GDI2: variants seen among roughly 807,000 people sequenced by gnomAD.
GDI2 encodes GDP dissociation inhibitor 2.
Under a neutral mutation model 54.2 loss-of-function variants are expected in GDI2, and 22 were observed. The ratio of observed to expected loss-of-function variants is 0.41; its 90% CI spans 0.29 to 0.58. The LOEUF (loss-of-function observed/expected upper bound fraction) is 0.58. Among genes scored for constraint, GDI2 ranks in the 20% least tolerant of loss-of-function variants. GDI2 has a pLI of 0.35. For synonymous variants in GDI2, 177 were observed against 182.1 expected, an observed-to-expected ratio of 0.97 and a Z score of 0.23; for missense variants, 422 against 546.0, an observed-to-expected ratio of 0.77 and a Z score of 2.26.
intron 6 of GDI2, among the ~76,000 whole-genome samples, chr10:5,777,125 C>T (rs549436551): frequency 6.6e-6 from 1 of 152,274 alleles, no homozygotes; most frequent in South Asian, 2.1e-4. Context: ...CAAATGGCTA[C>T]ATAGAATAAT....
Position 5,766,669 on chromosome 10 carries a change from C to T in GDI2, c.992-31G>A. 1 of 1,597,852 alleles carries T rather than the reference C, an allele frequency of 6.3e-7. No individual in the cohort carries two copies. The highest frequency in any genetic ancestry group is 8.6e-7 in the Non-Finnish European group (1 of 1,165,470). ...AACAAATGATACCAGCTCACTGCCT[C>T]AAGTGTCTCCATCTGGGACCCAACA... is the stretch of plus-strand genomic sequence containing the variant. On this transcript the variant is annotated intron_variant, in intron 8 of 10. Coordinates refer to ENST00000380191, the MANE Select transcript of GDI2 (RefSeq NM_001494.4). The surrounding 1 kb of genome is among the most constrained non-coding windows in gnomAD (Gnocchi z 5.8).
rs112815035 is a variant in GDI2 at position 5,772,076 on chromosome 10, G to GAA, written c.819+1764_819+1765dup. ...TGCACTCCAGCCTGGTGACTGAGAAGAAAAAAAAAAACACACCATTTATCT... is the reference window on the plus strand; with the variant it reads ...TGCACTCCAGCCTGGTGACTGAGAAGAAAAAAAAAAAAACACACCATTTATCT... On this transcript the variant is annotated intron_variant, in intron 7 of 10. Transcript: ENST00000380191. Among the ~76,000 whole-genome samples, 7 of 145,174 alleles carry GAA rather than the reference G, an allele frequency of 4.8e-5. No homozygotes were observed. The East Asian group carries it at 1.2e-3, about 25-fold the overall frequency.
In GDI2 at chr10:5,773,783, G is replaced by C. The variant is rs1840551788; in HGVS notation, c.819+59C>G. 1.0e-5 allele frequency: 8 copies of C among 779,938 alleles called. No homozygotes were observed. In the South Asian group the frequency reaches 1.2e-4, roughly 11 times the overall value. The allele number at this position is 779,938 out of a possible 1,614,324, so 48.3% of individuals were successfully genotyped here. A position where few individuals can be genotyped will look rare whatever the true frequency, so the allele number is the denominator to read the frequency against. ...GTGTCCACACCAAAATCAATATTTA[G>C]AATACACAACTTTCTTCACAAGAAC... On this transcript the variant is annotated intron_variant, in intron 7 of 10. Coordinates refer to ENST00000380191, the MANE Select transcript of GDI2 (RefSeq NM_001494.4).
intron 1 of GDI2, among the ~76,000 whole-genome samples, chr10:5,812,903 G>T (rs989333082): frequency 6.6e-6 from 1 of 152,184 alleles, no homozygotes; most frequent in Admixed American, 6.5e-5. Context: ...TGGCCCGGGC[G>T]GCCTTCTCCC....
chr10:5,771,471 T>C (rs1840487059), intron 7 of GDI2, among the ~76,000 whole-genome samples: 2 of 152,222 alleles, frequency 1.3e-5, no homozygotes, highest in South Asian at 4.1e-4. Context: ...GCATATTTTA[T>C]GTGTGACCCA....
At position 5,776,733 on chromosome 10, in the gene GDI2, A is replaced by C; in HGVS notation, c.720-2792T>G. ...ACTGCTACAGCCTCTTTAACCTGGC[A>C]GAAGTTTGCAGCAAATACCAGGAAA... is the stretch of plus-strand genomic sequence containing the variant. On this transcript the variant is annotated intron_variant, in intron 6 of 10. Transcript: ENST00000380191. This position sits in a 1 kb window ranked among gnomAD's most constrained non-coding sequence, Gnocchi z 5.3. The C allele has an allele frequency of 2.7e-6, 4 of 1,495,918 alleles. No individual in the cohort carries two copies. The highest frequency in any genetic ancestry group is 3.7e-6 in the Non-Finnish European group (4 of 1,077,508). The allele number at this position is 1,495,918 out of a possible 1,614,324, so 92.7% of individuals were successfully genotyped here.
chr10:5,801,736 C>G (rs781379140), intron 1 of GDI2, among the ~76,000 whole-genome samples: 8 of 152,006 alleles, frequency 5.3e-5, no homozygotes, highest in Non-Finnish European at 1.2e-4. Context: ...ATTGGCCAGG[C>G]ATGGTGGCTC....
At chr10:5,806,046 A>G (rs986618414) in intron 1 of GDI2, among the ~76,000 whole-genome samples, 6 of 152,212 alleles carry the variant, frequency 3.9e-5, no homozygotes, top group Non-Finnish European at 7.3e-5. Flanking sequence ...CTAAGTGTGC[A>G]TTTCTGTTAT....
At chr10:5,767,481 TTTTG>T (rs959904584) in intron 8 of GDI2, among the ~76,000 whole-genome samples, 7 of 152,034 alleles carry the variant, frequency 4.6e-5, no homozygotes, top group Admixed American at 1.3e-4. Context: ...ACCTAGCCAT[TTTTG>T]TTTGTTTGTT....
intron 6 of GDI2, among the ~76,000 whole-genome samples, chr10:5,779,669 GA>G (rs1840707099): frequency 6.7e-6 from 1 of 148,940 alleles, no homozygotes; most frequent in African/African-American, 2.4e-5. Context: ...GAAGCACAGA[GA>G]GGGGGAAAAA....
In GDI2 at chr10:5,779,694, CT is replaced by C. The variant is rs368605604; in HGVS notation, c.719+5447del. ...GAGGGGGAAAAAAAAAAGTTTGATG[CT>C]TTTTTTTTTTTTGTAAGAGACAGGG... On this transcript the variant is annotated intron_variant, in intron 6 of 10. Coordinates refer to ENST00000380191, the MANE Select transcript of GDI2 (RefSeq NM_001494.4). 5.1e-3 allele frequency among the ~76,000 whole-genome samples: 718 copies of C among 139,712 alleles called. 5 individuals carry two copies. Among genetic ancestry groups the C allele is most frequent in the East Asian group, 0.023 (113 of 4,866 alleles). The allele number at this position is 139,712 out of a possible 152,430, so 91.7% of individuals were successfully genotyped here.
intron 4 of GDI2, 118 bp downstream of exon 4, chr10:5,794,767 A>T: frequency 1.4e-6 from 1 of 723,692 alleles, no homozygotes; most frequent in East Asian, 2.5e-5. Flanking sequence ...TGTCTGGCAC[A>T]TGATAGACAT....
chr10:5,778,724 T>C lies in GDI2; in HGVS notation c.720-4783A>G, dbSNP rs559147210. 2.0e-5 allele frequency among the ~76,000 whole-genome samples: 3 copies of C among 152,326 alleles called. No homozygotes were observed. In the South Asian group the frequency reaches 6.2e-4, roughly 32 times the overall value. ...GCTTTTAATGATGCATGAGTGGAAG[T>C]AATGCTAGTTGGCAGTATTTGATTG... On this transcript the variant is annotated intron_variant, in intron 6 of 10. Transcript: ENST00000380191.
intron 6 of GDI2, among the ~76,000 whole-genome samples, chr10:5,775,646 G>C (rs982252263): frequency 6.6e-6 from 1 of 152,200 alleles, no homozygotes; most frequent in Admixed American, 6.5e-5. Context: ...GCTCACACAG[G>C]AGGGAAAAGC....
At chr10:5,791,554 C>A (rs957169097) in intron 4 of GDI2, among the ~76,000 whole-genome samples, 1 of 152,060 alleles carries the variant, frequency 6.6e-6, no homozygotes, top group Non-Finnish European at 1.5e-5. Flanking sequence ...TTGAGACCAG[C>A]CTGACCAACA....
chr10:5,798,991 T>A (rs1245770363), intron 2 of GDI2, among the ~76,000 whole-genome samples: 1 of 151,458 alleles, frequency 6.6e-6, no homozygotes, highest in African/African-American at 2.4e-5. Context: ...AAAATAAAAA[T>A]AAAATAAAAC....
At chr10:5,798,504 G>A (rs1409742599) in intron 2 of GDI2, among the ~76,000 whole-genome samples, 20 of 151,356 alleles carry the variant, frequency 1.3e-4, no homozygotes, top group African/African-American at 4.1e-4. Context: ...CACGAGAATC[G>A]TTTGAGCCTA....
chr10:5,810,396 T>C (rs914660885), intron 1 of GDI2, among the ~76,000 whole-genome samples: 3 of 152,228 alleles, frequency 2.0e-5, no homozygotes, highest in Non-Finnish European at 4.4e-5. Context: ...TCCAAGTCCA[T>C]AGTGAACTAT....
chr10:5,803,950 ATTTGAC>A (rs1841321366), intron 1 of GDI2, among the ~76,000 whole-genome samples: 1 of 152,148 alleles, frequency 6.6e-6, no homozygotes, highest in South Asian at 2.1e-4. Flanking sequence ...CTACAAGTCT[ATTTGAC>A]TTTGAAACCC....
Sources: gnomAD v4.1 joint callset for allele counts (sites outside exome capture counted in the v4.1 genomes callset) on GRCh38, gnomAD v4.1.1 for gene constraint, Gnocchi (gnomAD v3.1) non-coding constraint, MANE v1.5 for transcripts, NCBI Gene and HGNC (gene_info 2026-07-23, HGNC 2026-07-21) for gene names.